Variants in DOCK2 observed in about 807,000 individuals in gnomAD.
The protein encoded by DOCK2 is dedicator of cytokinesis protein 2.
A neutral mutation model predicts 248.9 loss-of-function variants in DOCK2; 87 were observed. The ratio of observed to expected loss-of-function variants is 0.35; its 90% CI spans 0.29 to 0.42. The LOEUF is 0.42. Ranked by LOEUF, DOCK2 falls within the 10% of genes least tolerant of loss-of-function variation. DOCK2 has a pLI of 1.00. For missense variants in DOCK2, 1,747 were observed against 2,300.2 expected, an observed-to-expected ratio of 0.76 and a Z score of 4.92; for synonymous variants, 805 against 821.6, an observed-to-expected ratio of 0.98 and a Z score of 0.35.
At chr5:169,813,898 A>T (rs1051270779) in intron 26 of DOCK2, among the ~76,000 whole-genome samples, 7 of 152,216 alleles carry the variant, frequency 4.6e-5, no homozygotes, top group African/African-American at 1.7e-4. Flanking sequence ...GGCCAATCCC[A>T]AAATGTGGGG....
At chr5:169,956,708 A>G (rs1184258697) in intron 27 of DOCK2, among the ~76,000 whole-genome samples, 1 of 152,202 alleles carries the variant, frequency 6.6e-6, no homozygotes, top group Non-Finnish European at 1.5e-5. Flanking sequence ...TCACCTGTTT[A>G]TAAATACAAG....
intron 30 of DOCK2, among the ~76,000 whole-genome samples, chr5:170,004,959 C>A (rs1203145933): frequency 6.9e-6 from 1 of 144,400 alleles, no homozygotes; most frequent in Non-Finnish European, 1.5e-5. Flanking sequence ...GGAGATATAC[C>A]TAATGCTAGA....
chr5:169,817,960 A>G (rs1768174367), intron 26 of DOCK2, among the ~76,000 whole-genome samples: 1 of 152,236 alleles, frequency 6.6e-6, no homozygotes. Context: ...AGAAAGGTAA[A>G]TCTTCTGCTT....
rs1404546905 is a variant in DOCK2, at chr5:169,840,759, C to T, written c.2706C>T (p.Ala902=). 1.2e-6 allele frequency: 2 copies of T among 1,613,800 alleles called. No homozygotes were observed. Among genetic ancestry groups the T allele is most frequent in the East Asian group, 2.2e-5 (1 of 44,828 alleles). The change falls in exon 27 of 52, where the codon GCC becomes GCT. Residue 902 remains alanine, a splice_region_variant and synonymous_variant. Coordinates refer to ENST00000520908, the MANE Select transcript of DOCK2 (RefSeq NM_004946.3). ...AGATGTCTCTGACTGTTTTACAGGC[C>T]TTCACCTACCACCATATCCAGGAGA... ...ILEVLSYQDA[A]FTYHHIQEIM...
Position 170,079,125 on chromosome 5 carries a change from T to C in DOCK2, c.5145T>C (p.Ala1715=), listed in dbSNP as rs1265000482. ...SSVVFADEKA[A]AESDLKRLSR... The stretch of plus-strand genomic sequence containing the variant: ...TAGTTTTTGCGGATGAGAAAGCAGC[T>C]GCAGAGTCGGACCTGAAGCGGGTGA... The change falls in exon 49 of 52, where the codon GCT becomes GCC. Residue 1715 remains alanine, a synonymous_variant. Coordinates refer to ENST00000520908, the MANE Select transcript of DOCK2 (RefSeq NM_004946.3). 6.2e-7 allele frequency: 1 copy of C among 1,613,654 alleles called. No individual in the cohort carries two copies. The highest frequency in any genetic ancestry group is 1.3e-5 in the African/African-American group (1 of 74,916).
chr5:169,722,259 T>A (rs114643485), intron 22 of DOCK2, among the ~76,000 whole-genome samples: 2,374 of 152,298 alleles, frequency 0.016, 63 homozygotes, highest in African/African-American at 0.054. Context: ...TTTCTGAGCT[T>A]GTGGAATTAC....
intron 29 of DOCK2, among the ~76,000 whole-genome samples, chr5:169,987,606 A>G (rs1203512231): frequency 6.6e-6 from 1 of 152,204 alleles, no homozygotes; most frequent in African/African-American, 2.4e-5. Context: ...GCTGGGTCCC[A>G]TGGGAGTGCT....
intron 27 of DOCK2, among the ~76,000 whole-genome samples, chr5:169,860,709 C>A (rs1005870483): frequency 1.3e-5 from 2 of 152,114 alleles, no homozygotes; most frequent in Non-Finnish European, 2.9e-5. Flanking sequence ...AATCACATGA[C>A]AGGAAAGTTG....
At chr5:169,864,648 T>C (rs1561775330) in intron 27 of DOCK2, among the ~76,000 whole-genome samples, 1 of 152,216 alleles carries the variant, frequency 6.6e-6, no homozygotes, top group South Asian at 2.1e-4. Flanking sequence ...TCTTCAGTGA[T>C]TGAATTGGCA....
chr5:169,983,274 C>G, intron 28 of DOCK2, 108 bp downstream of exon 28: 1 of 1,158,702 alleles, frequency 8.6e-7, no homozygotes, highest in South Asian at 1.3e-5. Context: ...CTAGATATGA[C>G]TTAACCAATA....
At position 169,698,436 on chromosome 5, in the gene DOCK2, A is replaced by C; in HGVS notation, c.1042A>C (p.Ile348Leu). The C allele has an allele frequency of 1.9e-6, 3 of 1,614,084 alleles. No individual in the cohort carries two copies. Among genetic ancestry groups the C allele is most frequent in the Non-Finnish European group, 1.7e-6 (2 of 1,179,924 alleles). ...AESDEEKQHF[I>L]PFHPVTAEND... Reference sequence around the variant, plus strand: ...GAGTGATGAAGAAAAGCAGCACTTCATTCCTTTTCACCCGTAAGACATTTC... The same window carrying C: ...GAGTGATGAAGAAAAGCAGCACTTCCTTCCTTTTCACCCGTAAGACATTTC... The change falls in exon 11 of 52, where the codon ATT becomes CTT. Residue 348 changes from isoleucine to leucine, a missense_variant. Physicochemically the swap from Ile to Leu is conservative, Grantham distance 5 (BLOSUM62 2). Around this residue, in one of 4 missense-constraint regions of DOCK2, gnomAD observed 375 missense variants for 510.9 expected, o/e 0.73. Transcript: ENST00000520908.
chr5:170,039,086 C>T (rs1756421350), intron 36 of DOCK2, among the ~76,000 whole-genome samples: 1 of 152,348 alleles, frequency 6.6e-6, no homozygotes, highest in African/African-American at 2.4e-5. Context: ...AAATCTGCTT[C>T]TGGCTCTGGC....
intron 6 of DOCK2, among the ~76,000 whole-genome samples, chr5:169,675,745 C>T (rs1304091412): frequency 6.6e-6 from 1 of 152,124 alleles, no homozygotes; most frequent in African/African-American, 2.4e-5. Context: ...AGTAAAAAGC[C>T]CATTTAATGG....
intron 26 of DOCK2, among the ~76,000 whole-genome samples, chr5:169,805,216 C>CAAA (rs1178136278): frequency 4.2e-5 from 3 of 70,680 alleles, no homozygotes; most frequent in East Asian, 5.8e-4. Flanking sequence ...TCTGTCTCTA[C>CAAA]AAAAAAAAAA....
rs371180566 is a variant in DOCK2 at position 169,907,399 on chromosome 5, C to G, written c.2799+66547C>G. On this transcript the variant is annotated intron_variant, in intron 27 of 51. Coordinates refer to ENST00000520908, the MANE Select transcript of DOCK2 (RefSeq NM_004946.3). Reference sequence around the variant, plus strand: ...CCAGTTCTAGTCTAGTTCCTGTTTACTCTCTGCTGGGTTTAAGTGGCTGAT... The same window carrying G: ...CCAGTTCTAGTCTAGTTCCTGTTTAGTCTCTGCTGGGTTTAAGTGGCTGAT... 1.4e-4 allele frequency among the ~76,000 whole-genome samples: 22 copies of G among 152,334 alleles called. No homozygotes were observed. The East Asian group carries it at 2.1e-3, about 15-fold the overall frequency.
intron 41 of DOCK2, 95 bp from the exon 42 acceptor site, chr5:170,055,210 T>C: frequency 8.0e-7 from 1 of 1,254,286 alleles, no homozygotes; most frequent in Non-Finnish European, 1.2e-6. Flanking sequence ...TGTGGCCCCA[T>C]AAAGGCTGGC....
intron 22 of DOCK2, 98 bp from the exon 23 acceptor site, chr5:169,747,298 T>C (rs866684603): frequency 1.3e-5 from 15 of 1,122,128 alleles, no homozygotes; most frequent in Middle Eastern, 4.2e-4. Context: ...CTCCCACTCC[T>C]TTTTGTTTTA....
intron 26 of DOCK2, among the ~76,000 whole-genome samples, chr5:169,840,266 A>G (rs944372565): frequency 4.6e-5 from 7 of 152,174 alleles, no homozygotes; most frequent in African/African-American, 1.7e-4. Flanking sequence ...AACAGATCTC[A>G]TGAGAACTCA....
chr5:169,857,512 G>A lies in DOCK2; in HGVS notation c.2799+16660G>A, dbSNP rs1770958641. On this transcript the variant is annotated intron_variant, in intron 27 of 51. Coordinates refer to ENST00000520908, the MANE Select transcript of DOCK2 (RefSeq NM_004946.3). The stretch of plus-strand genomic sequence containing the variant: ...ACTTCTCAAATATCTTCTCCACATA[G>A]CAGCCAAAGCAATCATTGCAAAATT... 1.3e-5 allele frequency among the ~76,000 whole-genome samples: 2 copies of A among 152,082 alleles called. 1 individual carries two copies. The highest frequency in any genetic ancestry group is 4.1e-4 in the South Asian group (2 of 4,824).
Sources: gnomAD v4.1 joint callset for allele counts (sites outside exome capture counted in the v4.1 genomes callset) on GRCh38, gnomAD v4.1.1 for gene constraint, gnomAD v4.1.1 regional missense constraint, MANE v1.5 for transcripts, NCBI Gene and HGNC (gene_info 2026-07-23, HGNC 2026-07-21) for gene names.